SYNE1: variants seen among roughly 807,000 people sequenced by gnomAD.
SYNE1 encodes nesprin-1.
Under a neutral mutation model 1,111.0 loss-of-function variants are expected in SYNE1, and 616 were observed. The ratio of observed to expected loss-of-function variants is 0.55; its 90% CI spans 0.52 to 0.59. The LOEUF is 0.59. Ranked by LOEUF, SYNE1 falls within the 20% of genes least tolerant of loss-of-function variation. The pLI is 0.00. For synonymous variants in SYNE1, 3,855 were observed against 3,825.8 expected, an observed-to-expected ratio of 1.01 and a Z score of -0.28; for missense variants, 10,006 against 10,417.0, an observed-to-expected ratio of 0.96 and a Z score of 1.72.
chr6:152,168,015 C>T (rs1247869216), intron 130 of SYNE1: 1 of 779,736 alleles, frequency 1.3e-6, no homozygotes, highest in Admixed American at 1.7e-5. Context: ...GTAACATTGG[C>T]AAAAACAGTT....
Position 152,352,303 on chromosome 6 carries a change from C to T in SYNE1, c.11304G>A (p.Arg3768=). The T allele has an allele frequency of 1.2e-6, 2 of 1,614,192 alleles. No homozygotes were observed. The highest frequency in any genetic ancestry group is 2.2e-5 in the South Asian group (2 of 91,080). ...ATTTAACAGCCCTCTCTCCTTTCTC[C>T]CGGGCTGATTTCAGCAAACTGTGAC... ...EKGHSLLKSA[R]EKGERAVKYL... The change falls in exon 70 of 146, where the codon CGG becomes CGA. Residue 3768 remains arginine (R), a synonymous_variant. Transcript: ENST00000367255.
At chr6:152,308,338 C>T in intron 91 of SYNE1, 151 bp downstream of exon 91, 1 of 1,087,102 alleles carries the variant, frequency 9.2e-7, no homozygotes, top group Non-Finnish European at 1.3e-6. Context: ...ACGGCACTCA[C>T]AATGCTTAGA....
intron 2 of SYNE1, among the ~76,000 whole-genome samples, chr6:152,629,369 T>C (rs2099693005): frequency 6.6e-6 from 1 of 151,756 alleles, no homozygotes; most frequent in Admixed American, 6.6e-5. Context: ...CACGCCTGGC[T>C]AATTTTTGTG....
At chr6:152,443,936 T>C (rs2098554447) in intron 30 of SYNE1, among the ~76,000 whole-genome samples, 1 of 152,214 alleles carries the variant, frequency 6.6e-6, no homozygotes, top group South Asian at 2.1e-4. Context: ...TATAAGAGTG[T>C]ACACTCCAGG....
intron 96 of SYNE1, among the ~76,000 whole-genome samples, chr6:152,282,511 A>G (rs1489646331): frequency 6.6e-6 from 1 of 152,228 alleles, no homozygotes; most frequent in Non-Finnish European, 1.5e-5. Context: ...TTTCTAGGTT[A>G]GCTCTCTGAG....
intron 74 of SYNE1, among the ~76,000 whole-genome samples, chr6:152,342,140 C>T (rs1017144144): frequency 3.9e-5 from 6 of 152,294 alleles, no homozygotes; most frequent in African/African-American, 9.6e-5. Context: ...CATACAGTCA[C>T]GTAATCTGGA....
chr6:152,496,094 G>A (rs1399566610), intron 11 of SYNE1, among the ~76,000 whole-genome samples: 2 of 152,062 alleles, frequency 1.3e-5, no homozygotes, highest in African/African-American at 4.8e-5. Context: ...CCTGCTAATA[G>A]GACAGGCACG....
At chr6:152,259,511 C>G (rs2091596144) in intron 101 of SYNE1, among the ~76,000 whole-genome samples, 2 of 152,092 alleles carry the variant, frequency 1.3e-5, no homozygotes, top group Non-Finnish European at 1.5e-5. Flanking sequence ...TTCTAGGATA[C>G]AAAATTGCCA....
At chr6:152,588,779 C>T (rs960605152) in intron 3 of SYNE1, among the ~76,000 whole-genome samples, 4 of 152,100 alleles carry the variant, frequency 2.6e-5, no homozygotes, top group Non-Finnish European at 4.4e-5. Flanking sequence ...CCTCTTCACC[C>T]TGCATCCAAA....
intron 3 of SYNE1, among the ~76,000 whole-genome samples, chr6:152,625,503 A>G (rs1263909426): frequency 6.6e-6 from 1 of 152,206 alleles, no homozygotes; most frequent in Non-Finnish European, 1.5e-5. Context: ...TTTTGTAGCC[A>G]ACATAACCTA....
At chr6:152,382,007 A>G (rs766548560) in intron 55 of SYNE1, among the ~76,000 whole-genome samples, 5 of 152,258 alleles carry the variant, frequency 3.3e-5, no homozygotes, top group Non-Finnish European at 7.3e-5. Context: ...TACCTTAAAA[A>G]AGTCACTAGA....
intron 36 of SYNE1, among the ~76,000 whole-genome samples, chr6:152,429,476 G>A (rs1018283535): frequency 6.6e-6 from 1 of 152,048 alleles, no homozygotes; most frequent in Non-Finnish European, 1.5e-5. Flanking sequence ...TCTTCCAGAT[G>A]GCCTTTGTCA....
intron 11 of SYNE1, among the ~76,000 whole-genome samples, chr6:152,493,489 C>T (rs1300137594): frequency 2.0e-5 from 3 of 152,156 alleles, no homozygotes; most frequent in African/African-American, 7.2e-5. Context: ...AGGGACAGCG[C>T]CCATTACTTC....
Position 152,484,951 on chromosome 6 carries a change from G to T in SYNE1, c.1069C>A (p.Gln357Lys). The change falls in exon 13 of 146, where the codon CAA becomes AAA. Residue 357 changes from glutamine (Q) to lysine (K), a missense_variant. By Grantham distance (53) the Gln-to-Lys change is moderately conservative. This residue lies in a region of SYNE1 where 1,971 missense variants were observed against 2,084.1 expected (regional missense o/e 0.95). Transcript: ENST00000367255. The stretch of plus-strand genomic sequence containing the variant: ...ATCTGTTTCCTCTTCATTTCATATT[G>T]AACTCTGAAGTGCTTAAATGACTAA... Reference protein sequence around the residue: ...KYQSFKHFRVQYEMKRKQIEH... With the variant: ...KYQSFKHFRVKYEMKRKQIEH... 1 of 1,612,414 alleles carries T rather than the reference G, an allele frequency of 6.2e-7. No homozygotes were observed. The highest frequency in any genetic ancestry group is 1.1e-5 in the South Asian group (1 of 90,922).
intron 10 of SYNE1, among the ~76,000 whole-genome samples, 172 bp from the exon 11 acceptor site, chr6:152,498,964 T>C (rs1242199920): frequency 6.6e-6 from 1 of 152,134 alleles, no homozygotes; most frequent in Non-Finnish European, 1.5e-5. Context: ...ACTACAAAAA[T>C]ATTCAACTCC....
At position 152,376,808 on chromosome 6, in the gene SYNE1, T is replaced by C. The variant is rs754978329; in HGVS notation, c.9114A>G (p.Gly3038=). Residue 3038 remains glycine, a synonymous_variant, in exon 57 of 146, where the codon GGA becomes GGG. Coordinates refer to ENST00000367255, the MANE Select transcript of SYNE1 (RefSeq NM_182961.4). ...RFSRDLSTYS[G]KVSGLIKEYN... ...ACTCTTTAATCAAGCCAGAAACTTT[T>C]CCACTGTAGGTACTCAGGTCTCTGG... 14 of 1,613,988 alleles carry C rather than the reference T, an allele frequency of 8.7e-6. No individual in the cohort carries two copies. Among genetic ancestry groups the C allele is most frequent in the Admixed American group, 6.7e-5 (4 of 60,000 alleles).
chr6:152,199,520 G>GA (rs1311963383), intron 127 of SYNE1, among the ~76,000 whole-genome samples: 6 of 151,454 alleles, frequency 4.0e-5, no homozygotes, highest in East Asian at 1.9e-4. Context: ...AATGATTTAA[G>GA]AAAAAAAAAT....
intron 18 of SYNE1, 187 bp downstream of exon 18, chr6:152,465,071 C>T (rs984202203): frequency 4.7e-6 from 3 of 640,334 alleles, no homozygotes; most frequent in Admixed American, 4.9e-5. Flanking sequence ...CTCAACCCTC[C>T]ATCAGCTTCT....
chr6:152,409,528 A>G (rs2097975313), intron 43 of SYNE1, 31 bp downstream of exon 43: 2 of 1,611,464 alleles, frequency 1.2e-6, no homozygotes, highest in African/African-American at 2.7e-5. Context: ...ACTAAAGCAG[A>G]ATACCAACAT....
Sources: gnomAD v4.1 joint callset for allele counts (sites outside exome capture counted in the v4.1 genomes callset) on GRCh38, gnomAD v4.1.1 for gene constraint, gnomAD v4.1.1 regional missense constraint, MANE v1.5 for transcripts, NCBI Gene and HGNC (gene_info 2026-07-23, HGNC 2026-07-21) for gene names.